Variants in MYO18A observed in about 807,000 individuals in gnomAD.
The protein encoded by MYO18A is myosin XVIIIA.
In MYO18A, 78 loss-of-function variants were observed where a neutral mutation model predicts 235.8. The observed-to-expected ratio is 0.33, with a 90% confidence interval of 0.28 to 0.40. MYO18A has a LOEUF of 0.40. MYO18A is among the 10% of genes least tolerant of loss of function. The pLI is 1.00. For synonymous variants in MYO18A, 977 were observed against 1,077.8 expected (o/e 0.91, Z 1.83); for missense variants, 2,215 against 2,699.3 (o/e 0.82, Z 3.98).
chr17:29,074,583 C>T lies in MYO18A; in HGVS notation c.*187G>A, dbSNP rs1388581773. ...TCTCTTCAGAAACTCCTCTTTCCCC[C>T]ACCTCTTCCACGTGGAGACATCAGA... On this transcript the variant is annotated 3_prime_UTR_variant, in exon 42 of 42. Transcript: ENST00000527372. This position sits in a 1 kb window ranked among gnomAD's most constrained non-coding sequence, Gnocchi z 4.4. The T allele has an allele frequency of 3.1e-6, 2 of 635,552 alleles. No homozygotes were observed. The highest frequency in any genetic ancestry group is 2.8e-6 in the Non-Finnish European group (1 of 361,026). 39.4% of individuals were successfully genotyped at this position (635,552 alleles called of 1,614,324 possible).
rs545128054 is a variant in MYO18A, at chr17:29,092,370, A to C, written c.5160T>G (p.Ile1720Met). The C allele has an allele frequency of 1.3e-4, 204 of 1,611,734 alleles. No homozygotes were observed. The East Asian group carries it at 4.5e-3, about 35-fold the overall frequency. Residue 1720 changes from isoleucine to methionine, a missense_variant, in exon 34 of 42, where the codon ATT becomes ATG. Coordinates refer to ENST00000527372, the MANE Select transcript of MYO18A (RefSeq NM_078471.4). ...EVEIEDLHLQ[I>M]DDIAKAKTAL... is the part of the protein sequence containing the mutation. Reference sequence around the variant, plus strand: ...CTGTCTTGGCTTTGGCGATGTCATCAATCTGCAGGTGCAGGTCTTCGATCT... The same window carrying C: ...CTGTCTTGGCTTTGGCGATGTCATCCATCTGCAGGTGCAGGTCTTCGATCT...
intron 19 of MYO18A, chr17:29,107,757 T>A (rs562837901): frequency 6.6e-6 from 1 of 151,900 alleles, no homozygotes; most frequent in Non-Finnish European, 1.5e-5. Flanking sequence ...CTACCAAAAG[T>A]ACAAAAAAGT....
chr17:29,098,133 C>A lies in MYO18A; in HGVS notation c.3962G>T (p.Arg1321Leu). Residue 1321 changes from arginine (R) to leucine (L), a missense_variant, in exon 25 of 42, where the codon CGG (arginine) becomes CTG (leucine). Transcript: ENST00000527372. ...CAGTTCCTTCATCTCCTTCTCAGCC[C>A]GGAGCCTCTCTGCTGTCTCCGCGTC... is the stretch of plus-strand genomic sequence containing the variant. Reference protein sequence around the residue: ...LLDAETAERLRAEKEMKELQT... With the variant: ...LLDAETAERLLAEKEMKELQT... 6.2e-7 allele frequency: 1 copy of A among 1,613,736 alleles called. No individual in the cohort carries two copies.
intron 20 of MYO18A, among the ~76,000 whole-genome samples, chr17:29,105,087 G>A (rs1181570631): frequency 1.3e-5 from 2 of 150,134 alleles, no homozygotes; most frequent in East Asian, 2.0e-4. Context: ...CAGGAGAATC[G>A]TGTGAACCTG....
At position 29,111,332 on chromosome 17, in the gene MYO18A, A is replaced by AG. The variant is rs1004020474; in HGVS notation, c.2900+91dup. 3.5e-6 allele frequency: 5 copies of AG among 1,432,126 alleles called. No homozygotes were observed. Among genetic ancestry groups the AG allele is most frequent in the Non-Finnish European group, 3.8e-6 (4 of 1,049,192 alleles). 88.7% of individuals were successfully genotyped at this position (1,432,126 alleles called of 1,614,324 possible). On this transcript the variant is annotated intron_variant, in intron 17 of 41. Transcript: ENST00000527372. The surrounding 1 kb of genome is among the most constrained non-coding windows in gnomAD (Gnocchi z 5.1). ...ATAAAGGCCATCTACTTTGCTAGTG[A>AG]GGGGGCCTCTGAGACAACCCCAGGG...
intron 41 of MYO18A, among the ~76,000 whole-genome samples, chr17:29,079,088 C>T (rs2066054628): frequency 6.6e-6 from 1 of 152,174 alleles, no homozygotes; most frequent in Non-Finnish European, 1.5e-5. Context: ...GAGAGCTAAG[C>T]AAAAGGCCCA....
Position 29,125,917 on chromosome 17 carries a change from C to T in MYO18A, c.1000-3664G>A, listed in dbSNP as rs752403405. ...CAGAAGCTGTGAAGATCCTCTCCAG[C>T]CGCTGGTGGGCCTCTTCCACGGGGG... On this transcript the variant is annotated intron_variant, in intron 2 of 41. Transcript: ENST00000527372. The surrounding 1 kb of genome is among the most constrained non-coding windows in gnomAD (Gnocchi z 5.1). 2.1e-4 allele frequency: 205 copies of T among 985,916 alleles called. No individual in the cohort carries two copies. The highest frequency in any genetic ancestry group is 5.2e-4 in the Middle Eastern group (1 of 1,916). 61.1% of individuals were successfully genotyped at this position (985,916 alleles called of 1,614,324 possible). A position where few individuals can be genotyped will look rare whatever the true frequency, so the allele number is the denominator to read the frequency against.
intron 2 of MYO18A, among the ~76,000 whole-genome samples, chr17:29,123,275 G>A (rs2067243547): frequency 6.6e-6 from 1 of 152,138 alleles, no homozygotes; most frequent in Non-Finnish European, 1.5e-5. Flanking sequence ...CGAAATGGCA[G>A]CAAGGTCATC....
chr17:29,080,122 C>T (rs1050043256), intron 41 of MYO18A: 96 of 985,854 alleles, frequency 9.7e-5, no homozygotes, highest in South Asian at 1.9e-4. Context: ...AGAGGCGGAG[C>T]GGCGGATGCT....
rs1365632201 is a variant in MYO18A, at chr17:29,180,211, GCCCCGCC to G, written c.-82+95_-82+101del. 6.7e-6 allele frequency: 1 copy of G among 149,422 alleles called. No homozygotes were observed. Among genetic ancestry groups the G allele is most frequent in the Non-Finnish European group, 1.5e-5 (1 of 66,638 alleles). The allele number at this position is 149,422 out of a possible 1,614,324, so 9.3% of individuals were successfully genotyped here. A position where few individuals can be genotyped will look rare whatever the true frequency, so the allele number is the denominator to read the frequency against. ...GGGGAGGAGGAGGAGGAGCCGGCGG[GCCCCGCC>G]GCCCGCCCGCCCTCCCTCCCGGCCG... On this transcript the variant is annotated intron_variant, in intron 1 of 41. Coordinates refer to ENST00000527372, the MANE Select transcript of MYO18A (RefSeq NM_078471.4). This position sits in a 1 kb window ranked among gnomAD's most constrained non-coding sequence, Gnocchi z 6.1.
chr17:29,080,343 C>T (rs2066088536), intron 41 of MYO18A: 13 of 986,162 alleles, frequency 1.3e-5, no homozygotes, highest in Non-Finnish European at 1.6e-5. Flanking sequence ...CATCCACTGC[C>T]GAGGCAGAGC....
chr17:29,115,440 G>A lies in MYO18A; in HGVS notation c.2229C>T (p.Gly743=). ...PEESGLGDGT[G]PKLSALECLE... Reference sequence around the variant, plus strand: ...GGCACTCCAGTGCACTCAGTTTCGGGCCTGTGGGGCAGGGGGAGCAGCGCT... The same window carrying A: ...GGCACTCCAGTGCACTCAGTTTCGGACCTGTGGGGCAGGGGGAGCAGCGCT... The change falls in exon 13 of 42, where the codon GGC becomes GGT. Residue 743 remains glycine, a splice_region_variant and synonymous_variant. Coordinates refer to ENST00000527372, the MANE Select transcript of MYO18A (RefSeq NM_078471.4). 6.2e-7 allele frequency: 1 copy of A among 1,613,366 alleles called. No homozygotes were observed. Among genetic ancestry groups the A allele is most frequent in the Non-Finnish European group, 8.5e-7 (1 of 1,179,724 alleles).
intron 41 of MYO18A, chr17:29,080,952 C>G: frequency 1.0e-6 from 1 of 985,420 alleles, no homozygotes; most frequent in Non-Finnish European, 1.2e-6. Flanking sequence ...TCAGGGAGCT[C>G]ACCACCGAGG....
chr17:29,074,880 G>C lies in MYO18A; in HGVS notation c.6055C>G (p.Arg2019Gly). ...TSYWKSLAPD[R>G]SDDEHDPLDN... is the part of the protein sequence containing the mutation. ...AGAGGGTCGTGCTCATCATCTGACC[G>C]ATCAGGGGCAAGGGACTTCCAGTAG... Residue 2019 changes from arginine to glycine, a missense_variant, in exon 42 of 42, where the codon CGG becomes GGG. Physicochemically the swap from Arg to Gly is moderately radical, Grantham distance 125 (BLOSUM62 -2). Transcript: ENST00000527372. This position sits in a 1 kb window ranked among gnomAD's most constrained non-coding sequence, Gnocchi z 4.4. 1.2e-6 allele frequency: 2 copies of C among 1,613,912 alleles called. No homozygotes were observed.
chr17:29,104,743 G>T (rs776135018), intron 20 of MYO18A, among the ~76,000 whole-genome samples: 54 of 152,056 alleles, frequency 3.6e-4, no homozygotes, highest in Non-Finnish European at 6.3e-4. Context: ...TTACTTCAGG[G>T]GCAAGTGGAA....
rs1238244876 is a variant in MYO18A at position 29,094,685 on chromosome 17, C to T, written c.4675G>A (p.Asp1559Asn). 1.2e-6 allele frequency: 2 copies of T among 1,613,948 alleles called. No individual in the cohort carries two copies. The highest frequency in any genetic ancestry group is 1.7e-6 in the Non-Finnish European group (2 of 1,179,912). ...AKVKDQEEEL[D>N]EQAGTIQMLE... The stretch of plus-strand genomic sequence containing the variant: ...ATCTGGATGGTCCCTGCCTGCTCAT[C>T]CAGCTCTTCTTCCTGATCCTTGACT... Residue 1559 changes from aspartate to asparagine, a missense_variant, in exon 30 of 42, where the codon GAT becomes AAT. By Grantham distance (23) the Asp-to-Asn change is conservative. Coordinates refer to ENST00000527372, the MANE Select transcript of MYO18A (RefSeq NM_078471.4).
chr17:29,101,544 C>A (rs970862684), intron 21 of MYO18A, among the ~76,000 whole-genome samples: 2 of 152,160 alleles, frequency 1.3e-5, no homozygotes, highest in Non-Finnish European at 2.9e-5. Context: ...TGGGCTCAGG[C>A]AATCTGCCCA....
rs374185220 is a variant in MYO18A, at chr17:29,074,853, C to G, written c.6082G>C (p.Asp2028His). 1 of 1,613,828 alleles carries G rather than the reference C, an allele frequency of 6.2e-7. No individual in the cohort carries two copies. Among genetic ancestry groups the G allele is most frequent in the Non-Finnish European group, 8.5e-7 (1 of 1,179,864 alleles). ...DRSDDEHDPL[D>H]NTSRPRYSHS... is the part of the protein sequence containing the mutation. ...GAGTATCGCGGTCTGGAGGTGTTGT[C>G]GAGAGGGTCGTGCTCATCATCTGAC... is the stretch of plus-strand genomic sequence containing the variant. The change falls in exon 42 of 42, where the codon GAC becomes CAC. Residue 2028 changes from aspartate (D) to histidine (H), a missense_variant. Asp to His is a moderately conservative substitution (Grantham distance 81, BLOSUM62 -1). Coordinates refer to ENST00000527372, the MANE Select transcript of MYO18A (RefSeq NM_078471.4). The surrounding 1 kb of genome is among the most constrained non-coding windows in gnomAD (Gnocchi z 4.4).
Position 29,118,855 on chromosome 17 carries a change from G to A in MYO18A, c.1830-415C>T, listed in dbSNP as rs1281265761. Among the ~76,000 whole-genome samples the A allele has an allele frequency of 6.6e-6, 1 of 152,250 alleles. No homozygotes were observed. Among genetic ancestry groups the A allele is most frequent in the Non-Finnish European group, 1.5e-5 (1 of 68,048 alleles). ...GGCAAATCTGAATGTCTGAAGGGAA[G>A]AGCGTGGCAGAGGCAGCCAACGTGG... On this transcript the variant is annotated intron_variant, in intron 8 of 41. Transcript: ENST00000527372. The surrounding 1 kb of genome is among the most constrained non-coding windows in gnomAD (Gnocchi z 4.2).
Sources: gnomAD v4.1 joint callset for allele counts (sites outside exome capture counted in the v4.1 genomes callset) on GRCh38, gnomAD v4.1.1 for gene constraint, Gnocchi (gnomAD v3.1) non-coding constraint, MANE v1.5 for transcripts, NCBI Gene and HGNC (gene_info 2026-07-23, HGNC 2026-07-21) for gene names.